FAM227B: variants seen among roughly 807,000 people sequenced by gnomAD.
FAM227B encodes the protein protein FAM227B.
In FAM227B, 88 loss-of-function variants were observed where a neutral mutation model predicts 73.8. The ratio of observed to expected loss-of-function variants is 1.19; its 90% CI spans 1.00 to 1.42. The LOEUF (loss-of-function observed/expected upper bound fraction) is 1.42, where lower values mean the gene tolerates loss of function less well. Ranked by LOEUF, FAM227B falls within the 40% of genes most tolerant of loss-of-function variation. The pLI is 0.00. For synonymous variants in FAM227B, 210 were observed against 190.5 expected (o/e 1.10, Z -0.84); for missense variants, 632 against 590.9 (o/e 1.07, Z -0.72).
intron 13 of FAM227B, among the ~76,000 whole-genome samples, chr15:49,357,938 C>G (rs1400058226): frequency 6.6e-6 from 1 of 151,912 alleles, no homozygotes; most frequent in Non-Finnish European, 1.5e-5. Context: ...TCAATATACA[C>G]AAATCAATAA....
At chr15:49,407,285 G>A (rs558771065) in intron 11 of FAM227B, among the ~76,000 whole-genome samples, 2 of 152,306 alleles carry the variant, frequency 1.3e-5, no homozygotes, top group South Asian at 2.1e-4. Flanking sequence ...GGTGAGAGCC[G>A]GTTGCTCCTT....
intron 11 of FAM227B, among the ~76,000 whole-genome samples, chr15:49,448,596 C>T (rs1338819765): frequency 1.3e-5 from 2 of 151,022 alleles, no homozygotes; most frequent in Non-Finnish European, 3.0e-5. Flanking sequence ...TCTGGTTATT[C>T]TCTTCACTTT....
chr15:49,565,111 C>T (rs965092001), intron 9 of FAM227B, among the ~76,000 whole-genome samples: 1 of 152,000 alleles, frequency 6.6e-6, no homozygotes, highest in African/African-American at 2.4e-5. Context: ...AGGCCGGGCA[C>T]AGTAGTTCAC....
chr15:49,328,731 T>C (rs1228056745), intron 15 of FAM227B, 56 bp from the exon 16 acceptor site: 1 of 1,516,122 alleles, frequency 6.6e-7, no homozygotes, highest in Admixed American at 2.1e-5. Context: ...ATTGTATAAT[T>C]GAATTTGAAT....
At chr15:49,386,481 AC>A (rs1227291237) in intron 11 of FAM227B, among the ~76,000 whole-genome samples, 1 of 151,888 alleles carries the variant, frequency 6.6e-6, no homozygotes, top group African/African-American at 2.4e-5. Context: ...AGTTATCAAA[AC>A]CTCTGGAATA....
chr15:49,613,970 G>T (rs2153338988), intron 2 of FAM227B, among the ~76,000 whole-genome samples: 1 of 152,250 alleles, frequency 6.6e-6, no homozygotes, highest in Admixed American at 6.5e-5. Context: ...CTAGCTTCAT[G>T]GGTATAGCAA....
intron 15 of FAM227B, chr15:49,329,027 T>C (rs1315397085): frequency 2.0e-6 from 2 of 1,008,018 alleles, no homozygotes; most frequent in African/African-American, 3.4e-5. Context: ...ACTCTTTTTC[T>C]ACTACTTTTT....
chr15:49,358,777 C>T (rs1567144863), intron 13 of FAM227B, among the ~76,000 whole-genome samples: 1 of 152,098 alleles, frequency 6.6e-6, no homozygotes, highest in African/African-American at 2.4e-5. Context: ...CCTGCATCGC[C>T]AAGTCAAACT....
intron 11 of FAM227B, among the ~76,000 whole-genome samples, chr15:49,462,820 C>G (rs1263252350): frequency 6.6e-6 from 1 of 152,176 alleles, no homozygotes; most frequent in African/African-American, 2.4e-5. Flanking sequence ...GAAAGGATGA[C>G]TGTATTCTGA....
chr15:49,493,716 T>G (rs908060211), intron 11 of FAM227B, among the ~76,000 whole-genome samples: 3 of 151,932 alleles, frequency 2.0e-5, no homozygotes, highest in Non-Finnish European at 2.9e-5. Context: ...TCTACACTTA[T>G]CTACTTAAGC....
At chr15:49,474,051 A>G (rs1844468712) in intron 11 of FAM227B, among the ~76,000 whole-genome samples, 1 of 152,156 alleles carries the variant, frequency 6.6e-6, no homozygotes, top group African/African-American at 2.4e-5. Flanking sequence ...TATTTTTGAT[A>G]GGCGAACTTT....
chr15:49,412,928 C>T (rs1282186472), intron 11 of FAM227B, among the ~76,000 whole-genome samples: 1 of 151,960 alleles, frequency 6.6e-6, no homozygotes, highest in African/African-American at 2.4e-5. Context: ...ATGAATTGGC[C>T]CTTGGGTGAT....
At chr15:49,382,759 T>C (rs1423014377) in intron 11 of FAM227B, among the ~76,000 whole-genome samples, 1 of 152,100 alleles carries the variant, frequency 6.6e-6, no homozygotes, top group Non-Finnish European at 1.5e-5. Context: ...TAGCTATTCT[T>C]GTTACTAGGG....
chr15:49,545,975 T>A (rs1355843016), intron 9 of FAM227B, among the ~76,000 whole-genome samples: 4 of 151,606 alleles, frequency 2.6e-5, no homozygotes, highest in Non-Finnish European at 5.9e-5. Flanking sequence ...ATTATTATTA[T>A]ACTTTAAGTT....
intron 12 of FAM227B, 168 bp from the exon 13 acceptor site, chr15:49,367,776 C>A: frequency 3.8e-6 from 2 of 521,422 alleles, no homozygotes; most frequent in Non-Finnish European, 6.3e-6. Flanking sequence ...AAGTATGAGT[C>A]TATAAGTACA....
intron 13 of FAM227B, chr15:49,343,871 A>G (rs1490952904): frequency 1.3e-5 from 2 of 152,208 alleles, no homozygotes; most frequent in East Asian, 3.8e-4. Context: ...TATTGCTGGA[A>G]TAAGTGTCCA....
chr15:49,617,267 T>C (rs1360287672), intron 1 of FAM227B, among the ~76,000 whole-genome samples: 1 of 152,082 alleles, frequency 6.6e-6, no homozygotes, highest in Non-Finnish European at 1.5e-5. Flanking sequence ...AAAAATAAAA[T>C]CTAGGCATAT....
rs774175348 is a variant in FAM227B, at chr15:49,383,182, G to A, written c.1013-11783C>T. ...TAGAAAAAATATATGTATAGGTGGT[G>A]GAGAAGTCTACAAAAGATGAGATTA... On this transcript the variant is annotated intron_variant, in intron 11 of 15. Transcript: ENST00000299338. Among the ~76,000 whole-genome samples, 36 of 150,410 alleles carry A rather than the reference G, an allele frequency of 2.4e-4. 1 individual carries two copies. The highest frequency in any genetic ancestry group is 6.8e-3 in the Middle Eastern group (2 of 294).
At chr15:49,363,464 C>T (rs182162759) in intron 13 of FAM227B, among the ~76,000 whole-genome samples, 1 of 152,242 alleles carries the variant, frequency 6.6e-6, no homozygotes, top group Admixed American at 6.5e-5. Flanking sequence ...GATTTTTGTA[C>T]ATTGATTTTG....
Sources: gnomAD v4.1 joint callset for allele counts (sites outside exome capture counted in the v4.1 genomes callset) on GRCh38, gnomAD v4.1.1 for gene constraint, MANE v1.5 for transcripts, NCBI Gene and HGNC (gene_info 2026-07-23, HGNC 2026-07-21) for gene names.